Variants in PLXNA2 observed in about 807,000 individuals in gnomAD.
PLXNA2 encodes plexin-A2.
In PLXNA2, 91 loss-of-function variants were observed where a neutral mutation model predicts 193.5. The observed-to-expected ratio is 0.47, with a 90% CI of 0.40 to 0.56. PLXNA2 has a LOEUF of 0.56. PLXNA2 is among the 20% of genes least tolerant of loss of function. The pLI is 0.00. For missense variants in PLXNA2, 1,995 were observed against 2,503.2 expected (o/e 0.80, Z 4.33); for synonymous variants, 997 against 1,027.3 (o/e 0.97, Z 0.56).
At chr1:208,213,859 C>T (rs1451621734) in intron 2 of PLXNA2, among the ~76,000 whole-genome samples, 1 of 152,226 alleles carries the variant, frequency 6.6e-6, no homozygotes, top group Non-Finnish European at 1.5e-5. Context: ...CCTGGCCCCA[C>T]TCACTGTCAC....
In PLXNA2 at chr1:208,210,355, C is replaced by T. The variant is rs1670897340; in HGVS notation, c.1296G>A (p.Met432Ile). Reference sequence around the variant, plus strand: ...TGTAAACGTAGGAGGCCACAGAGGTCATGCGGTCCCTGCTGGTGGTGTACA... The same window carrying T: ...TGTAAACGTAGGAGGCCACAGAGGTTATGCGGTCCCTGCTGGTGGTGTACA... ...LTLYTTSRDR[M>I]TSVASYVYNG... Residue 432 changes from methionine to isoleucine, a missense_variant, in exon 3 of 32, where the codon ATG becomes ATA. Physicochemically the swap from Met to Ile is conservative, Grantham distance 10. Coordinates refer to ENST00000367033, the MANE Select transcript of PLXNA2 (RefSeq NM_025179.4). 6.2e-7 allele frequency: 1 copy of T among 1,614,102 alleles called. No homozygotes were observed. Among genetic ancestry groups the T allele is most frequent in the Non-Finnish European group, 8.5e-7 (1 of 1,180,026 alleles).
At chr1:208,078,826 C>CTTTA (rs1666238501) in intron 12 of PLXNA2, among the ~76,000 whole-genome samples, 1 of 152,102 alleles carries the variant, frequency 6.6e-6, no homozygotes, top group Non-Finnish European at 1.5e-5. Flanking sequence ...TAGTGCCTGC[C>CTTTA]TTTACTCTCT....
rs762054923 is a variant in PLXNA2 at position 208,027,332 on chromosome 1, C to T, written c.5596G>A (p.Gly1866Arg). ...YVSKYSEELI[G>R]ALEQDEQARR... ...GCCTGCTCATCCTGCTCTAGGGCCCCGATGAGCTGAGGAGCAAAAACAAAG... is the reference window on the plus strand; with the variant it reads ...GCCTGCTCATCCTGCTCTAGGGCCCTGATGAGCTGAGGAGCAAAAACAAAG... The change falls in exon 32 of 32, where the codon GGG becomes AGG. Residue 1866 changes from glycine to arginine, a missense_variant. Transcript: ENST00000367033. The T allele has an allele frequency of 1.6e-5, 26 of 1,612,466 alleles. No homozygotes were observed. The highest frequency in any genetic ancestry group is 1.6e-4 in the Middle Eastern group (1 of 6,082).
rs6662950 is a variant in PLXNA2 at position 208,225,326 on chromosome 1, G to A, written c.-80-7324C>T. ...TGTTTTGGTTTGGTTTTTTTGAGACGGGGTCTCGCTCTGTCTCCCAGTCTG... is the reference window on the plus strand; with the variant it reads ...TGTTTTGGTTTGGTTTTTTTGAGACAGGGTCTCGCTCTGTCTCCCAGTCTG... On this transcript the variant is annotated intron_variant, in intron 1 of 31. Transcript: ENST00000367033. 9.2e-3 allele frequency among the ~76,000 whole-genome samples: 1,402 copies of A among 152,054 alleles called. 27 individuals are homozygous for A. Among genetic ancestry groups the A allele is most frequent in the African/African-American group, 0.032 (1,329 of 41,440 alleles).
intron 4 of PLXNA2, among the ~76,000 whole-genome samples, chr1:208,115,330 A>G (rs1011028743): frequency 4.6e-5 from 7 of 152,222 alleles, no homozygotes; most frequent in African/African-American, 1.7e-4. Context: ...TTACTCAATC[A>G]TTAGTCTATC....
In PLXNA2 at chr1:208,033,442, G is replaced by T. The variant is rs761512286; in HGVS notation, c.4932C>A (p.Asp1644Glu). 4 of 1,613,966 alleles carry T rather than the reference G, an allele frequency of 2.5e-6. No individual in the cohort carries two copies. The South Asian group carries it at 4.4e-5, about 18-fold the overall frequency. ...GCCACACCTTGACCCCACTTTCCAG[G>T]TCTGGGGTGATCATCGGGGCCCGGG... Reference protein sequence around the residue: ...LRSRAPMITPDLESGVKVWHL... With the variant: ...LRSRAPMITPELESGVKVWHL... Residue 1644 changes from aspartate to glutamate, a missense_variant, in exon 28 of 32, where the codon GAC becomes GAA. This residue lies in a region of PLXNA2 where 1,291 missense variants were observed against 1,673.6 expected (regional missense o/e 0.77). Coordinates refer to ENST00000367033, the MANE Select transcript of PLXNA2 (RefSeq NM_025179.4).
chr1:208,219,044 G>C (rs1572046055), intron 1 of PLXNA2, among the ~76,000 whole-genome samples: 1 of 152,320 alleles, frequency 6.6e-6, no homozygotes, highest in South Asian at 2.1e-4. Context: ...CCTCCTGACT[G>C]TTTCAGCATC....
chr1:208,067,080 C>G (rs879066551), intron 12 of PLXNA2, among the ~76,000 whole-genome samples: 1 of 152,194 alleles, frequency 6.6e-6, no homozygotes, highest in African/African-American at 2.4e-5. Context: ...CGCAGTGGCT[C>G]ATGCCTGTAA....
At chr1:208,243,082 T>C (rs571106014) in intron 1 of PLXNA2, among the ~76,000 whole-genome samples, 1 of 152,142 alleles carries the variant, frequency 6.6e-6, no homozygotes, top group African/African-American at 2.4e-5. Context: ...CCTAGGAATC[T>C]CTCCCTGAGC....
intron 29 of PLXNA2, chr1:208,030,102 G>A (rs1406395649): frequency 8.1e-6 from 8 of 985,360 alleles, no homozygotes; most frequent in African/African-American, 7.0e-5. Flanking sequence ...GCCCTTCCAC[G>A]ATGATTTCTG....
At chr1:208,075,794 C>G (rs955225935) in intron 12 of PLXNA2, among the ~76,000 whole-genome samples, 1 of 152,040 alleles carries the variant, frequency 6.6e-6, no homozygotes, top group Non-Finnish European at 1.5e-5. Flanking sequence ...CATGGTGACT[C>G]AAGCCTGTAA....
chr1:208,204,974 G>A lies in PLXNA2; in HGVS notation c.1371+5306C>T, dbSNP rs146890237. Among the ~76,000 whole-genome samples, 542 of 152,200 alleles carry A rather than the reference G, an allele frequency of 3.6e-3. 4 individuals carry two copies. The highest frequency in any genetic ancestry group is 0.013 in the South Asian group (63 of 4,810). On this transcript the variant is annotated intron_variant, in intron 3 of 31. Transcript: ENST00000367033. ...TGGGACTAAGAGGCTAGAGAGCCTC[G>A]GCAAAACACTACCCCCCAGCTTCTG...
At chr1:208,048,054 C>T (rs566797736) in intron 17 of PLXNA2, among the ~76,000 whole-genome samples, 1 of 152,248 alleles carries the variant, frequency 6.6e-6, no homozygotes, top group South Asian at 2.1e-4. Context: ...AAGAAGACAC[C>T]GAGCCTTGGT....
Position 208,027,098 on chromosome 1 carries a change from G to T in PLXNA2, c.*145C>A. On this transcript the variant is annotated 3_prime_UTR_variant, in exon 32 of 32. Coordinates refer to ENST00000367033, the MANE Select transcript of PLXNA2 (RefSeq NM_025179.4). The stretch of plus-strand genomic sequence containing the variant: ...TGACGAAACTTGGCTGGCGTAGGGA[G>T]AGGAGTCCTCCCCTCTCCCCAGGAT... The T allele has an allele frequency of 1.4e-6, 1 of 721,804 alleles. No homozygotes were observed. Among genetic ancestry groups the T allele is most frequent in the Non-Finnish European group, 2.3e-6 (1 of 432,104 alleles). The allele number at this position is 721,804 out of a possible 1,614,324, so 44.7% of individuals were successfully genotyped here.
intron 1 of PLXNA2, chr1:208,230,101 C>G (rs989282141): frequency 6.6e-6 from 1 of 152,202 alleles, no homozygotes; most frequent in African/African-American, 2.4e-5. Flanking sequence ...GTTTTGTAAA[C>G]TCTAGAGCTC....
intron 4 of PLXNA2, among the ~76,000 whole-genome samples, chr1:208,129,510 C>G (rs190760481): frequency 6.6e-6 from 1 of 152,342 alleles, no homozygotes; most frequent in East Asian, 1.9e-4. Flanking sequence ...GCCTCCTAAT[C>G]CTTGCCTTCA....
chr1:208,038,988 C>T lies in PLXNA2; in HGVS notation c.4501-4G>A. 1 of 1,613,182 alleles carries T rather than the reference C, an allele frequency of 6.2e-7. No homozygotes were observed. The highest frequency in any genetic ancestry group is 1.1e-5 in the South Asian group (1 of 90,956). ...CAGGGTTGACGCAGTTCAGGATCTA[C>T]AAGTAGGGGACAGAGGGTGAGCAGG... On this transcript the variant is annotated splice_region_variant and splice_polypyrimidine_tract_variant and intron_variant, in intron 24 of 31. Coordinates refer to ENST00000367033, the MANE Select transcript of PLXNA2 (RefSeq NM_025179.4). This position sits in a 1 kb window ranked among gnomAD's most constrained non-coding sequence, Gnocchi z 4.1.
intron 12 of PLXNA2, among the ~76,000 whole-genome samples, chr1:208,065,481 T>C (rs1665762115): frequency 6.6e-6 from 1 of 152,218 alleles, no homozygotes; most frequent in Admixed American, 6.5e-5. Flanking sequence ...GGAGAGTTCT[T>C]AGTATGCTGG....
At chr1:208,239,529 G>A (rs1671978601) in intron 1 of PLXNA2, among the ~76,000 whole-genome samples, 1 of 152,146 alleles carries the variant, frequency 6.6e-6, no homozygotes, top group African/African-American at 2.4e-5. Context: ...TTGATGTTCA[G>A]GATTCCAGGT....
Sources: allele counts gnomAD v4.1 joint callset (sites outside exome capture counted in the v4.1 genomes callset), GRCh38; gene constraint gnomAD v4.1.1; regional missense constraint gnomAD v4.1.1; non-coding constraint Gnocchi (gnomAD v3.1); transcripts MANE v1.5; gene names NCBI Gene and HGNC (gene_info 2026-07-23, HGNC 2026-07-21).